The following DEPDC5 variants were observed in gnomAD, a reference collection of about 807,000 sequenced individuals.
DEPDC5 encodes DEP domain containing 5, GATOR1 subcomplex subunit, also known as GATOR1 complex protein DEPDC5.
In DEPDC5, 73 loss-of-function variants were observed where a neutral mutation model predicts 217.3. That is an observed-to-expected ratio of 0.34 (90% CI 0.28 to 0.41). The LOEUF (loss-of-function observed/expected upper bound fraction) is 0.41, where lower values mean the gene tolerates loss of function less well. Ranked by LOEUF, DEPDC5 falls within the 10% of genes least tolerant of loss-of-function variation. DEPDC5 has a pLI of 1.00. For missense variants in DEPDC5, 1,675 were observed against 2,070.1 expected (o/e 0.81, Z 3.70); for synonymous variants, 733 against 756.7 (o/e 0.97, Z 0.51).
At position 31,815,385 on chromosome 22, in the gene DEPDC5, CTTT is replaced by C. The variant is rs10712869; in HGVS notation, c.1666+193_1666+195del. The C allele has an allele frequency of 0.029, 14,699 of 515,560 alleles. 2 individuals carry two copies. The highest frequency in any genetic ancestry group is 0.031 in the Middle Eastern group (61 of 1,962). 31.9% of individuals were successfully genotyped at this position (515,560 alleles called of 1,614,324 possible). On this transcript the variant is annotated intron_variant, in intron 21 of 42. Coordinates refer to ENST00000651528, the MANE Select transcript of DEPDC5 (RefSeq NM_001242896.3). ...TGTTAGCTATGTATATATTATACTT[CTTT>C]TTTTTTTTTTTTTTTTTTTGGTGAC...
intron 14 of DEPDC5, among the ~76,000 whole-genome samples, chr22:31,801,640 G>A (rs1313404321): frequency 1.3e-5 from 2 of 152,156 alleles, no homozygotes; most frequent in African/African-American, 4.8e-5. Context: ...CAGGAATTAT[G>A]AGAGCCATAT....
intron 32 of DEPDC5, among the ~76,000 whole-genome samples, chr22:31,860,091 T>G (rs1386557329): frequency 6.6e-6 from 1 of 152,198 alleles, no homozygotes; most frequent in Non-Finnish European, 1.5e-5. Flanking sequence ...AACCCTCTCC[T>G]GATTGTCCAG....
rs2093767764 is a variant in DEPDC5 at position 31,906,877 on chromosome 22, T to A, written c.*380T>A. ...CTTTTCCTTCACCATCTATGGGATA[T>A]TAGGGGCAGAATCTGCCACTTCTTG... On this transcript the variant is annotated 3_prime_UTR_variant, in exon 43 of 43. Coordinates refer to ENST00000651528, the MANE Select transcript of DEPDC5 (RefSeq NM_001242896.3). The surrounding 1 kb of genome is among the most constrained non-coding windows in gnomAD (Gnocchi z 5.1). The A allele has an allele frequency of 1.2e-5, 4 of 343,198 alleles. No homozygotes were observed. Among genetic ancestry groups the A allele is most frequent in the Non-Finnish European group, 1.6e-5 (3 of 184,012 alleles). The allele number at this position is 343,198 out of a possible 1,614,324, so 21.3% of individuals were successfully genotyped here.
chr22:31,864,530 A>ATATATATATATATATATATT (rs1372150061), intron 33 of DEPDC5, among the ~76,000 whole-genome samples: 39 of 139,014 alleles, frequency 2.8e-4, no homozygotes, highest in Non-Finnish European at 5.1e-4. Flanking sequence ...ATATATTTAT[A>ATATATATATATATATATATT]TATTTATTTA....
chr22:31,798,370 T>C (rs1314307583), intron 13 of DEPDC5, among the ~76,000 whole-genome samples: 1 of 152,096 alleles, frequency 6.6e-6, no homozygotes, highest in East Asian at 1.9e-4. Flanking sequence ...ATACAAAAAT[T>C]AGCCTTGTGT....
intron 8 of DEPDC5, among the ~76,000 whole-genome samples, chr22:31,780,749 C>T (rs1432538491): frequency 6.6e-6 from 1 of 152,342 alleles, no homozygotes; most frequent in Middle Eastern, 3.4e-3. Flanking sequence ...GCAGTTCCCA[C>T]ACTGCAGTAG....
chr22:31,800,898 C>T (rs577682337), intron 14 of DEPDC5, among the ~76,000 whole-genome samples: 1 of 152,114 alleles, frequency 6.6e-6, no homozygotes, highest in South Asian at 2.1e-4. Context: ...ATCACTTGAA[C>T]CTGGGAGGTG....
chr22:31,887,551 T>C (rs2093346849), intron 38 of DEPDC5, among the ~76,000 whole-genome samples: 1 of 152,050 alleles, frequency 6.6e-6, no homozygotes, highest in African/African-American at 2.4e-5. Context: ...GTGTGGGCCT[T>C]AGGGGGTCAG....
chr22:31,872,282 A>C (rs2092866387), intron 34 of DEPDC5, among the ~76,000 whole-genome samples: 1 of 152,210 alleles, frequency 6.6e-6, no homozygotes, highest in African/African-American at 2.4e-5. Context: ...ACATCCTGGT[A>C]CTTCTGGCTC....
rs1319274878 is a variant in DEPDC5, at chr22:31,873,243, C to G, written c.3486-12C>G. The stretch of plus-strand genomic sequence containing the variant: ...CCATCTTGCTTTGCTGACCTGACAC[C>G]CTGTGTTACAGCTCTCAGCAGCTGG... On this transcript the variant is annotated splice_polypyrimidine_tract_variant and intron_variant, in intron 34 of 42. Coordinates refer to ENST00000651528, the MANE Select transcript of DEPDC5 (RefSeq NM_001242896.3). 5 of 1,613,912 alleles carry G rather than the reference C, an allele frequency of 3.1e-6. No homozygotes were observed. The South Asian group carries it at 4.4e-5, about 14-fold the overall frequency.
chr22:31,816,023 G>T (rs1269435889), intron 21 of DEPDC5: 1 of 985,546 alleles, frequency 1.0e-6, no homozygotes, highest in African/African-American at 1.7e-5. Context: ...TTACCGGTCG[G>T]GCGCAGTGGC....
chr22:31,831,767 A>C (rs1255810728), intron 24 of DEPDC5, among the ~76,000 whole-genome samples: 1 of 152,198 alleles, frequency 6.6e-6, no homozygotes, highest in Non-Finnish European at 1.5e-5. Context: ...AAATAAAAAA[A>C]TTAGTTATTT....
At chr22:31,848,717 C>T (rs985641279) in intron 31 of DEPDC5, among the ~76,000 whole-genome samples, 5 of 152,182 alleles carry the variant, frequency 3.3e-5, no homozygotes, top group African/African-American at 1.2e-4. Flanking sequence ...ACATTAAGCT[C>T]CTCCTTACTT....
chr22:31,808,402 A>C (rs962503965), intron 18 of DEPDC5, among the ~76,000 whole-genome samples: 1 of 151,768 alleles, frequency 6.6e-6, no homozygotes, highest in African/African-American at 2.4e-5. Flanking sequence ...CTGGGATTAC[A>C]GGTGTGCGCC....
chr22:31,899,725 C>T (rs1429044337), intron 40 of DEPDC5, among the ~76,000 whole-genome samples: 6 of 152,130 alleles, frequency 3.9e-5, no homozygotes, highest in Non-Finnish European at 7.4e-5. Context: ...TCCTCAAATC[C>T]ATCCCAGGTA....
Position 31,843,120 on chromosome 22 carries a change from G to C in DEPDC5, c.2541G>C (p.Glu847Asp). Residue 847 changes from glutamate (E) to aspartate (D), a missense_variant, in exon 28 of 43, where the codon GAG becomes GAC. Glu to Asp is a conservative substitution (Grantham distance 45). Coordinates refer to ENST00000651528, the MANE Select transcript of DEPDC5 (RefSeq NM_001242896.3). ...SRGLVSRNRPEEEDQYWLSMG... is the reference protein window; with the variant it reads ...SRGLVSRNRPDEEDQYWLSMG... The stretch of plus-strand genomic sequence containing the variant: ...GCCTTGTGTCCCGAAACCGCCCTGA[G>C]GAGGAGGACCAGTATTGGCTGAGTA... The C allele has an allele frequency of 6.2e-7, 1 of 1,613,890 alleles. No individual in the cohort carries two copies. Among genetic ancestry groups the C allele is most frequent in the Non-Finnish European group, 8.5e-7 (1 of 1,179,974 alleles).
At chr22:31,881,887 G>A (rs943301904) in intron 38 of DEPDC5, among the ~76,000 whole-genome samples, 4 of 151,444 alleles carry the variant, frequency 2.6e-5, no homozygotes, top group Non-Finnish European at 2.9e-5. Flanking sequence ...CAGAGGTTGC[G>A]GTGAGCCTAG....
chr22:31,887,419 C>CAAAAAAAAAA lies in DEPDC5; in HGVS notation c.4034-6152_4034-6143dup, dbSNP rs567430576. ...GGGCAACAAAAGCGAAACTCTGTCT[C>CAAAAAAAAAA]AAAAAAAAAAAAAAAAAAAAGAGAA... On this transcript the variant is annotated intron_variant, in intron 38 of 42. Transcript: ENST00000651528. 5.9e-3 allele frequency among the ~76,000 whole-genome samples: 385 copies of CAAAAAAAAAA among 65,306 alleles called. 5 individuals carry two copies. The highest frequency in any genetic ancestry group is 8.2e-3 in the East Asian group (17 of 2,064). The allele number at this position is 65,306 out of a possible 152,430, so 42.8% of individuals were successfully genotyped here. A position where few individuals can be genotyped will look rare whatever the true frequency, so the allele number is the denominator to read the frequency against.
chr22:31,762,906 C>T (rs891140344), intron 4 of DEPDC5, among the ~76,000 whole-genome samples: 1 of 152,096 alleles, frequency 6.6e-6, no homozygotes, highest in Non-Finnish European at 1.5e-5. Context: ...CCTGCGCCTC[C>T]TGGGTTCAAG....
Sources: gnomAD v4.1 joint callset for allele counts (sites outside exome capture counted in the v4.1 genomes callset) on GRCh38, gnomAD v4.1.1 for gene constraint, Gnocchi (gnomAD v3.1) non-coding constraint, MANE v1.5 for transcripts, NCBI Gene and HGNC (gene_info 2026-07-23, HGNC 2026-07-21) for gene names.